BCAN: variants seen among roughly 807,000 people sequenced by gnomAD.
BCAN encodes the protein brevican core protein.
A neutral mutation model predicts 92.4 loss-of-function variants in BCAN; 51 were observed. The observed-to-expected ratio is 0.55, with a 90% CI of 0.44 to 0.70. The LOEUF (loss-of-function observed/expected upper bound fraction) is 0.70. Among genes scored for constraint, BCAN ranks in the 30% least tolerant of loss-of-function variants. The probability of loss-of-function intolerance (pLI) is 0.00; values close to 1 mark genes in which losing one functional copy is unlikely to be tolerated. For missense variants in BCAN, 1,140 were observed against 1,212.1 expected (o/e 0.94, Z 0.88); for synonymous variants, 501 against 505.2 (o/e 0.99, Z 0.11).
intron 6 of BCAN, 27 bp from the exon 7 acceptor site, chr1:156,651,429 C>A (rs776239118): frequency 1.3e-6 from 2 of 1,583,466 alleles, no homozygotes; most frequent in Admixed American, 1.7e-5. Flanking sequence ...TATTCAGGCT[C>A]GCATCAATAC....
chr1:156,646,485 G>A (rs1678966657), intron 2 of BCAN: 1 of 499,458 alleles, frequency 2.0e-6, no homozygotes, highest in Non-Finnish European at 3.5e-6. Flanking sequence ...CTCAGGGGGC[G>A]AGGTTGGAGG....
chr1:156,654,321 C>T (rs1056457265), intron 8 of BCAN, among the ~76,000 whole-genome samples: 1 of 152,160 alleles, frequency 6.6e-6, no homozygotes, highest in African/African-American at 2.4e-5. Flanking sequence ...CCCAGGCTTA[C>T]CCATGTCAAC....
At chr1:156,653,493 C>T in intron 8 of BCAN, 1 of 987,008 alleles carries the variant, frequency 1.0e-6, no homozygotes, top group Non-Finnish European at 1.2e-6. Flanking sequence ...CCTCTGTCTC[C>T]ATCTCCTGCT....
intron 7 of BCAN, 145 bp from the exon 8 acceptor site, chr1:156,652,103 G>T (rs1044466354): frequency 2.4e-5 from 26 of 1,102,890 alleles, no homozygotes; most frequent in Non-Finnish European, 3.0e-5. Flanking sequence ...CCAGTGTGGC[G>T]CAAGGACCAC....
At chr1:156,653,274 C>A in intron 8 of BCAN, 1 of 1,158,180 alleles carries the variant, frequency 8.6e-7, no homozygotes, top group Non-Finnish European at 1.1e-6. Context: ...CTTCATCCGC[C>A]TGTGTGCCGT....
chr1:156,654,777 G>T (rs1190254169), intron 8 of BCAN, among the ~76,000 whole-genome samples: 1 of 152,190 alleles, frequency 6.6e-6, no homozygotes, highest in Non-Finnish European at 1.5e-5. Context: ...CCTCTGTGGG[G>T]CCTGGTGCTT....
Position 156,658,386 on chromosome 1 carries a change from G to A in BCAN, c.2437+115G>A. The A allele has an allele frequency of 5.4e-6, 8 of 1,489,788 alleles. No individual in the cohort carries two copies. The South Asian group carries it at 6.5e-5, about 12-fold the overall frequency. 92.3% of individuals were successfully genotyped at this position (1,489,788 alleles called of 1,614,324 possible). Reference sequence around the variant, plus strand: ...AAGCAACATAGAGGAGTCAGAACGTGTTCCAGACCATGGGAGAGCTAACAA... The same window carrying A: ...AAGCAACATAGAGGAGTCAGAACGTATTCCAGACCATGGGAGAGCTAACAA... On this transcript the variant is annotated intron_variant, in intron 12 of 13. Transcript: ENST00000329117. This position sits in a 1 kb window ranked among gnomAD's most constrained non-coding sequence, Gnocchi z 4.4.
At position 156,658,034 on chromosome 1, in the gene BCAN, G is replaced by GC; in HGVS notation, c.2293-89dup. ...TAGCCCTAACCTTCCCTCTCCTGGG[G>GC]CCCCGCTCACCAGCCCTCCTCCCCA... On this transcript the variant is annotated intron_variant, in intron 11 of 13. Transcript: ENST00000329117. This position sits in a 1 kb window ranked among gnomAD's most constrained non-coding sequence, Gnocchi z 4.4. 1 of 1,470,844 alleles carries GC rather than the reference G, an allele frequency of 6.8e-7. No individual in the cohort carries two copies. Among genetic ancestry groups the GC allele is most frequent in the Non-Finnish European group, 9.3e-7 (1 of 1,079,954 alleles). The allele number at this position is 1,470,844 out of a possible 1,614,324, so 91.1% of individuals were successfully genotyped here. A position where few individuals can be genotyped will look rare whatever the true frequency, so the allele number is the denominator to read the frequency against.
At chr1:156,656,852 C>A in intron 9 of BCAN, 86 bp from the exon 10 acceptor site, 1 of 1,536,902 alleles carries the variant, frequency 6.5e-7, no homozygotes, top group Non-Finnish European at 8.8e-7. Context: ...TCTCGGCCTG[C>A]GGTAGTGGAA....
chr1:156,650,570 T>G (rs546189921), intron 6 of BCAN, among the ~76,000 whole-genome samples: 12 of 152,188 alleles, frequency 7.9e-5, no homozygotes, highest in African/African-American at 2.9e-4. Context: ...GCCCCACCAC[T>G]GAGATCCTCA....
At chr1:156,654,811 T>G (rs2102569601) in intron 8 of BCAN, among the ~76,000 whole-genome samples, 1 of 152,296 alleles carries the variant, frequency 6.6e-6, no homozygotes, top group Middle Eastern at 3.4e-3. Flanking sequence ...AAATACCTCT[T>G]CCTCTGGGGT....
intron 8 of BCAN, 40 bp downstream of exon 8, chr1:156,652,932 T>C (rs1679224680): frequency 2.5e-6 from 4 of 1,604,750 alleles, no homozygotes; most frequent in Non-Finnish European, 2.6e-6. Context: ...TCTATCCTAC[T>C]CCTTTTCTTC....
In BCAN at chr1:156,652,584, C is replaced by A; in HGVS notation, c.1634C>A (p.Thr545Asn). The A allele has an allele frequency of 6.2e-7, 1 of 1,614,166 alleles. No individual in the cohort carries two copies. Residue 545 changes from threonine (T) to asparagine (N), a missense_variant, in exon 8 of 14, where the codon ACT (threonine) becomes AAT (asparagine). Around this residue, in one of 3 missense-constraint regions of BCAN, gnomAD observed 825 missense variants for 871.8 expected, o/e 0.95. Coordinates refer to ENST00000329117, the MANE Select transcript of BCAN (RefSeq NM_021948.5). ...GGACCACCTACTGAGACTCTGCCCA[C>A]TCCCAGGGAGAGGAACCTAGCATCC... ...VHGPPTETLPTPRERNLASPS... is the reference protein window; with the variant it reads ...VHGPPTETLPNPRERNLASPS...
At position 156,658,165 on chromosome 1, in the gene BCAN, C is replaced by T. The variant is rs1679401603; in HGVS notation, c.2331C>T (p.Tyr777=). The change falls in exon 12 of 14, where the codon TAC becomes TAT. Residue 777 remains tyrosine (Y), a synonymous_variant. Coordinates refer to ENST00000329117, the MANE Select transcript of BCAN (RefSeq NM_021948.5). The surrounding 1 kb of genome is among the most constrained non-coding windows in gnomAD (Gnocchi z 4.4). ...ENWNPGQPDS[Y]FLSGENCVVM... ...GGAACCCTGGGCAGCCTGACAGCTA[C>T]TTCCTGTCTGGAGAGAACTGCGTGG... 1 of 1,614,032 alleles carries T rather than the reference C, an allele frequency of 6.2e-7. No homozygotes were observed. Among genetic ancestry groups the T allele is most frequent in the Admixed American group, 1.7e-5 (1 of 60,002 alleles).
At chr1:156,645,462 C>T (rs1006797484) in intron 1 of BCAN, among the ~76,000 whole-genome samples, 4 of 152,240 alleles carry the variant, frequency 2.6e-5, no homozygotes, top group African/African-American at 7.2e-5. Flanking sequence ...TCAGGAGAAG[C>T]TGTGCTTACT....
rs776798315 is a variant in BCAN, at chr1:156,648,623, G to T, written c.825G>T (p.Ala275=). ...AGCTGACATTGGAGGAAGCACGGGC[G>T]TACTGCCAGGAGCGGGGTGCAGAGA... ...PEKLTLEEAR[A]YCQERGAEIA... Residue 275 remains alanine, a synonymous_variant, in exon 6 of 14, where the codon GCG becomes GCT. Coordinates refer to ENST00000329117, the MANE Select transcript of BCAN (RefSeq NM_021948.5). The T allele has an allele frequency of 1.8e-5, 29 of 1,608,972 alleles. No homozygotes were observed. Among genetic ancestry groups the T allele is most frequent in the Non-Finnish European group, 2.2e-5 (26 of 1,175,880 alleles).
intron 8 of BCAN, among the ~76,000 whole-genome samples, chr1:156,655,882 A>G (rs1467859109): frequency 6.6e-6 from 1 of 152,232 alleles, no homozygotes; most frequent in Non-Finnish European, 1.5e-5. Context: ...CTCCAAGCCT[A>G]GAGAAGGAAA....
chr1:156,657,077 G>C lies in BCAN; in HGVS notation c.2190G>C (p.Glu730Asp). 2 of 1,613,576 alleles carry C rather than the reference G, an allele frequency of 1.2e-6. No individual in the cohort carries two copies. The highest frequency in any genetic ancestry group is 1.7e-6 in the Non-Finnish European group (2 of 1,179,528). Residue 730 changes from glutamate (E) to aspartate (D), a missense_variant, in exon 10 of 14, where the codon GAG becomes GAC. Around this residue, in one of 3 missense-constraint regions of BCAN, gnomAD observed 825 missense variants for 871.8 expected, o/e 0.95. Transcript: ENST00000329117. Reference protein sequence around the residue: ...GAHLASISTPEEQDFINNRYR... With the variant: ...GAHLASISTPDEQDFINNRYR... Reference sequence around the variant, plus strand: ...ATCTGGCCAGCATCAGCACACCCGAGGAACAGGACTTCATCAACAGTGGGC... The same window carrying C: ...ATCTGGCCAGCATCAGCACACCCGACGAACAGGACTTCATCAACAGTGGGC...
rs1679217165 is a variant in BCAN, at chr1:156,652,769, C to A, written c.1819C>A (p.Leu607Met). The A allele has an allele frequency of 6.2e-7, 1 of 1,610,716 alleles. No homozygotes were observed. The highest frequency in any genetic ancestry group is 1.7e-5 in the Admixed American group (1 of 59,766). Reference sequence around the variant, plus strand: ...ACGGGCCCCTGAGGGTACCAGGGAGCTGGAGGCCCCCTCTGAAGATAATTC... The same window carrying A: ...ACGGGCCCCTGAGGGTACCAGGGAGATGGAGGCCCCCTCTGAAGATAATTC... ...ATRAPEGTRE[L>M]EAPSEDNSGR... Residue 607 changes from leucine to methionine, a missense_variant, in exon 8 of 14, where the codon CTG (leucine) becomes ATG (methionine). Coordinates refer to ENST00000329117, the MANE Select transcript of BCAN (RefSeq NM_021948.5).
Sources: gnomAD v4.1 joint callset for allele counts (sites outside exome capture counted in the v4.1 genomes callset) on GRCh38, gnomAD v4.1.1 for gene constraint, gnomAD v4.1.1 regional missense constraint, Gnocchi (gnomAD v3.1) non-coding constraint, MANE v1.5 for transcripts, NCBI Gene and HGNC (gene_info 2026-07-23, HGNC 2026-07-21) for gene names.